The following PTBP3 variants were observed in gnomAD, a reference collection of about 807,000 sequenced individuals.
PTBP3 encodes the protein polypyrimidine tract-binding protein 3.
Under a neutral mutation model 58.7 loss-of-function variants are expected in PTBP3, and 20 were observed. The observed-to-expected ratio is 0.34, with a 90% CI of 0.24 to 0.50. The LOEUF is 0.50. Ranked by LOEUF, PTBP3 falls within the 20% of genes least tolerant of loss-of-function variation. The pLI, the probability that PTBP3 is intolerant of heterozygous loss-of-function variation, is 0.98. For synonymous variants in PTBP3, 185 were observed against 219.8 expected, an observed-to-expected ratio of 0.84 and a Z score of 1.40; for missense variants, 509 against 637.2, an observed-to-expected ratio of 0.80 and a Z score of 2.17.
intron 1 of PTBP3, among the ~76,000 whole-genome samples, chr9:112,320,333 C>A (rs1829894229): frequency 3.0e-5 from 1 of 33,788 alleles, no homozygotes; most frequent in African/African-American, 2.8e-4. Context: ...TAAGTGTTAT[C>A]ACCAGAAAAA....
chr9:112,228,132 A>G (rs1184523346), intron 11 of PTBP3, among the ~76,000 whole-genome samples: 2 of 152,206 alleles, frequency 1.3e-5, no homozygotes, highest in South Asian at 2.1e-4. Flanking sequence ...AACTTAACGG[A>G]AAAACCCTAG....
At chr9:112,307,861 G>T (rs1829289784) in intron 1 of PTBP3, among the ~76,000 whole-genome samples, 1 of 152,230 alleles carries the variant, frequency 6.6e-6, no homozygotes, top group African/African-American at 2.4e-5. Context: ...CCAACATGCA[G>T]CCCATGGGCC....
chr9:112,219,952 G>T lies in PTBP3; in HGVS notation c.*3899C>A. 1.9e-6 allele frequency: 1 copy of T among 515,948 alleles called. No homozygotes were observed. The highest frequency in any genetic ancestry group is 2.6e-6 in the Non-Finnish European group (1 of 380,436). The allele number at this position is 515,948 out of a possible 1,614,324, so 32.0% of individuals were successfully genotyped here. ...CACAACTCTTTTAAAAGACAGCTGA[G>T]TTATATTTTCAAATTTTGTGCAATC... On this transcript the variant is annotated 3_prime_UTR_variant, in exon 14 of 14. Transcript: ENST00000374257.
chr9:112,226,527 A>G (rs907509548), intron 12 of PTBP3, among the ~76,000 whole-genome samples: 4 of 152,182 alleles, frequency 2.6e-5, no homozygotes, highest in Admixed American at 6.5e-5. Context: ...TTGTTTTAAC[A>G]ATTTCCAAAG....
intron 7 of PTBP3, among the ~76,000 whole-genome samples, chr9:112,245,605 T>C (rs146374872): frequency 5.4e-4 from 82 of 152,320 alleles, no homozygotes; most frequent in Non-Finnish European, 9.0e-4. Context: ...TGAGCACATC[T>C]AATGTTTAGG....
At chr9:112,348,427 T>C in the PTBP3 span, among the ~76,000 whole-genome samples, 20 of 152,204 alleles carry the variant, frequency 1.3e-4, no homozygotes, top group African/African-American at 4.8e-4. Context: ...TTAACTGGTA[T>C]ATGATGACCT....
At chr9:112,324,448 T>C (rs541893471) in intron 1 of PTBP3, among the ~76,000 whole-genome samples, 1 of 152,106 alleles carries the variant, frequency 6.6e-6, no homozygotes, top group African/African-American at 2.4e-5. Flanking sequence ...AGGTCAGAAG[T>C]TCAAGATCAG....
In PTBP3 at chr9:112,221,903, T is replaced by C. The variant is rs1834820616; in HGVS notation, c.*1948A>G. The stretch of plus-strand genomic sequence containing the variant: ...GAATACAGCAAAGAGATTGAGATTT[T>C]CTTAATTTTTACTTTTAAGAGAAGG... On this transcript the variant is annotated 3_prime_UTR_variant, in exon 14 of 14. Transcript: ENST00000374257. 5.1e-6 allele frequency: 5 copies of C among 979,900 alleles called. No individual in the cohort carries two copies. The highest frequency in any genetic ancestry group is 6.1e-6 in the Non-Finnish European group (5 of 824,994). The allele number at this position is 979,900 out of a possible 1,614,324, so 60.7% of individuals were successfully genotyped here. A position where few individuals can be genotyped will look rare whatever the true frequency, so the allele number is the denominator to read the frequency against.
chr9:112,227,378 A>G, intron 12 of PTBP3, 33 bp downstream of exon 12: 2 of 1,591,772 alleles, frequency 1.3e-6, no homozygotes, highest in Non-Finnish European at 1.7e-6. Flanking sequence ...ATTATTCATC[A>G]TCTAAGTGAT....
chr9:112,278,308 C>G (rs1021219039), intron 2 of PTBP3, among the ~76,000 whole-genome samples: 2 of 152,116 alleles, frequency 1.3e-5, no homozygotes, highest in Non-Finnish European at 2.9e-5. Flanking sequence ...GAGTCCTGGA[C>G]GGGGGCGAGA....
chr9:112,251,273 G>A (rs1836104478), intron 6 of PTBP3, among the ~76,000 whole-genome samples, 170 bp from the exon 7 acceptor site: 1 of 152,250 alleles, frequency 6.6e-6, no homozygotes, highest in East Asian at 1.9e-4. Flanking sequence ...GAGCCTAAGA[G>A]AGAAAAAGAA....
chr9:112,231,912 A>AAGAAGAGAAG lies in PTBP3; in HGVS notation c.1020+177_1020+186dup, dbSNP rs1391742980. ...AGAGTAAAATCCTTTCTGAAAAGAAAAGAAGAGAAGAGAAGAGAAGAGAAG... is the reference window on the plus strand; with the variant it reads ...AGAGTAAAATCCTTTCTGAAAAGAAAAGAAGAGAAGAGAAGAGAAGAGAAGAGAAGAGAAG... On this transcript the variant is annotated intron_variant, in intron 9 of 13. Transcript: ENST00000374257. Among the ~76,000 whole-genome samples the AAGAAGAGAAG allele has an allele frequency of 9.9e-4, 106 of 107,368 alleles. 2 individuals carry two copies. Among genetic ancestry groups the AAGAAGAGAAG allele is most frequent in the East Asian group, 2.1e-3 (8 of 3,878 alleles). 70.4% of individuals were successfully genotyped at this position (107,368 alleles called of 152,430 possible).
chr9:112,355,353 C>T, the PTBP3 span, among the ~76,000 whole-genome samples: 1 of 152,132 alleles, frequency 6.6e-6, no homozygotes, highest in South Asian at 2.1e-4. Context: ...AAGGCCTTTG[C>T]GATGGTTTAT....
chr9:112,295,542 G>C (rs530322777), intron 2 of PTBP3, among the ~76,000 whole-genome samples: 8 of 136,874 alleles, frequency 5.8e-5, no homozygotes, highest in Non-Finnish European at 1.1e-4. Flanking sequence ...ATGAAGAACA[G>C]AAGAGTAGCA....
At chr9:112,265,165 T>C (rs1007891876) in intron 4 of PTBP3, among the ~76,000 whole-genome samples, 5 of 96,938 alleles carry the variant, frequency 5.2e-5, no homozygotes, top group African/African-American at 4.4e-4. Flanking sequence ...AATCAGTTAA[T>C]TTCTGAAAAA....
the PTBP3 span, among the ~76,000 whole-genome samples, chr9:112,348,828 CT>C: frequency 6.6e-6 from 1 of 152,074 alleles, no homozygotes; most frequent in Non-Finnish European, 1.5e-5. Context: ...ACCACCCCCC[CT>C]CCCAGATGTG....
chr9:112,237,058 G>C (rs1339852522), intron 7 of PTBP3, among the ~76,000 whole-genome samples: 1 of 152,170 alleles, frequency 6.6e-6, no homozygotes, highest in Non-Finnish European at 1.5e-5. Flanking sequence ...GCAAGCAGTA[G>C]ATTTGAGAGA....
At chr9:112,340,709 G>A in the PTBP3 span, among the ~76,000 whole-genome samples, 2 of 151,740 alleles carry the variant, frequency 1.3e-5, no homozygotes, top group South Asian at 4.2e-4. Context: ...GAGAAACCCC[G>A]TCTCTACTAA....
At chr9:112,251,812 A>C (rs1337014655) in intron 6 of PTBP3, among the ~76,000 whole-genome samples, 1 of 152,162 alleles carries the variant, frequency 6.6e-6, no homozygotes, top group African/African-American at 2.4e-5. Flanking sequence ...ATATATATAT[A>C]TCCTGATTTA....
Sources: allele counts gnomAD v4.1 joint callset (sites outside exome capture counted in the v4.1 genomes callset), GRCh38; gene constraint gnomAD v4.1.1; transcripts MANE v1.5; gene names NCBI Gene and HGNC (gene_info 2026-07-23, HGNC 2026-07-21).